DIPK1A: variants seen among roughly 807,000 people sequenced by gnomAD.
DIPK1A encodes family with sequence similarity 69 member A.
DIPK1A carries 27 observed loss-of-function variants against 40.8 expected under a neutral mutation model. The observed-to-expected ratio is 0.66, with a 90% CI of 0.49 to 0.91. The LOEUF is 0.91. Ranked by LOEUF, DIPK1A falls within the 40% of genes least tolerant of loss-of-function variation. DIPK1A has a pLI of 0.00. For synonymous variants in DIPK1A, 166 were observed against 171.3 expected (o/e 0.97, Z 0.24); for missense variants, 412 against 505.7 (o/e 0.81, Z 1.78).
At chr1:92,844,990 G>T (rs1390536903) in intron 4 of DIPK1A, among the ~76,000 whole-genome samples, 60 of 126,850 alleles carry the variant, frequency 4.7e-4, no homozygotes, top group Non-Finnish European at 2.3e-4. Context: ...TTTCGCCCAG[G>T]CTGGAGTGCA....
intron 1 of DIPK1A, among the ~76,000 whole-genome samples, chr1:92,898,956 C>T (rs554074466): frequency 1.8e-4 from 27 of 151,958 alleles, no homozygotes; most frequent in African/African-American, 5.1e-4. Context: ...TTTGTATAGA[C>T]GGGGGTCACC....
intron 1 of DIPK1A, among the ~76,000 whole-genome samples, chr1:92,953,412 A>AT (rs779974445): frequency 4.7e-4 from 72 of 152,216 alleles, no homozygotes; most frequent in Non-Finnish European, 6.8e-4. Context: ...TTCTGGATAT[A>AT]CAAAAAAATT....
chr1:92,961,390 G>A lies in DIPK1A; in HGVS notation c.40C>T (p.Pro14Ser). The A allele has an allele frequency of 1.3e-6, 2 of 1,530,586 alleles. No individual in the cohort carries two copies. Among genetic ancestry groups the A allele is most frequent in the Non-Finnish European group, 1.8e-6 (2 of 1,136,480 alleles). The allele number at this position is 1,530,586 out of a possible 1,614,324, so 94.8% of individuals were successfully genotyped here. ...CGCCGGCCTACCTGGAGGTAATAGG[G>A]TTTCCTTAGCCAGGCCCCCGGACAG... ...SLCPGAWLRK[P>S]YYLQARFSYV... The change falls in exon 1 of 5, where the codon CCC (proline) becomes TCC (serine). Residue 14 changes from proline (P) to serine (S), a missense_variant. Transcript: ENST00000370310.
intron 2 of DIPK1A, among the ~76,000 whole-genome samples, chr1:92,871,862 G>A (rs1163788076): frequency 6.6e-6 from 1 of 151,940 alleles, no homozygotes; most frequent in Admixed American, 6.6e-5. Context: ...CCATTCATCT[G>A]TGGATGGACA....
At chr1:92,837,373 C>T (rs1687172002), downstream of DIPK1A, 3 of 1,173,664 alleles carry the variant, frequency 2.6e-6, no homozygotes, top group Non-Finnish European at 3.9e-6. Context: ...CAAGACGGGA[C>T]TGATGGCAGC....
chr1:92,873,380 C>T (rs531496704), intron 2 of DIPK1A, among the ~76,000 whole-genome samples: 4 of 152,034 alleles, frequency 2.6e-5, no homozygotes, highest in Non-Finnish European at 4.4e-5. Context: ...TTTGGGAGGC[C>T]GAGGCAGGTG....
At chr1:92,903,167 T>A (rs898297795) in intron 1 of DIPK1A, among the ~76,000 whole-genome samples, 3 of 152,170 alleles carry the variant, frequency 2.0e-5, no homozygotes, top group African/African-American at 7.2e-5. Flanking sequence ...CACCTCAGCC[T>A]CACAAGTAGC....
chr1:92,851,000 C>T (rs1687800338), intron 2 of DIPK1A, 45 bp from the exon 3 acceptor site: 2 of 1,209,510 alleles, frequency 1.7e-6, no homozygotes, highest in Non-Finnish European at 2.4e-6. Flanking sequence ...AAAATATTCA[C>T]AAGAAGAAGC....
intron 1 of DIPK1A, among the ~76,000 whole-genome samples, chr1:92,879,449 A>G (rs889998066): frequency 6.6e-6 from 1 of 152,220 alleles, no homozygotes; most frequent in Admixed American, 6.5e-5. Context: ...GAAAAACCCT[A>G]TGAACTGGAC....
chr1:92,834,303 G>T (rs1687032025), intron 4 of DIPK1A, among the ~76,000 whole-genome samples: 1 of 152,206 alleles, frequency 6.6e-6, no homozygotes, highest in Non-Finnish European at 1.5e-5. Context: ...ATGTACAAAG[G>T]TGGCTCCCGC....
chr1:92,876,565 A>C, intron 1 of DIPK1A, 135 bp from the exon 2 acceptor site: 2 of 899,758 alleles, frequency 2.2e-6, no homozygotes, highest in Non-Finnish European at 1.6e-6. Flanking sequence ...TTCTAGAACA[A>C]AGTGCACTTT....
At chr1:92,953,006 A>G (rs991944295) in intron 1 of DIPK1A, among the ~76,000 whole-genome samples, 8 of 152,218 alleles carry the variant, frequency 5.3e-5, no homozygotes, top group African/African-American at 1.9e-4. Context: ...TTGGAAGAAT[A>G]TCTTCAAACA....
At chr1:92,933,990 T>C (rs1271209736) in intron 1 of DIPK1A, 3 of 152,182 alleles carry the variant, frequency 2.0e-5, no homozygotes, top group Admixed American at 2.0e-4. Flanking sequence ...TGGATTAGGA[T>C]AGGCCAACAG....
intron 1 of DIPK1A, among the ~76,000 whole-genome samples, chr1:92,880,155 C>G (rs575130163): frequency 6.6e-6 from 1 of 152,166 alleles, no homozygotes; most frequent in African/African-American, 2.4e-5. Flanking sequence ...TAGCCCCCCA[C>G]AGCAAAGCAT....
At chr1:92,953,732 G>T (rs916738164) in intron 1 of DIPK1A, among the ~76,000 whole-genome samples, 2 of 152,166 alleles carry the variant, frequency 1.3e-5, no homozygotes, top group Non-Finnish European at 2.9e-5. Flanking sequence ...CAAGGGCCAG[G>T]GGCAGGAGGA....
intron 1 of DIPK1A, among the ~76,000 whole-genome samples, chr1:92,960,090 A>G (rs1012741868): frequency 5.3e-5 from 8 of 151,428 alleles, no homozygotes; most frequent in African/African-American, 1.9e-4. Context: ...AAAAGATTAC[A>G]CAGAGGTACC....
At chr1:92,952,200 T>C (rs1490984552) in intron 1 of DIPK1A, among the ~76,000 whole-genome samples, 1 of 152,054 alleles carries the variant, frequency 6.6e-6, no homozygotes, top group African/African-American at 2.4e-5. Context: ...CACACAATTA[T>C]CCAGCCCAAA....
chr1:92,841,893 G>C, downstream of DIPK1A: 2 of 1,534,486 alleles, frequency 1.3e-6, no homozygotes, highest in Non-Finnish European at 1.8e-6. Context: ...GATTTTTTCA[G>C]ATATAGATAA....
intron 1 of DIPK1A, among the ~76,000 whole-genome samples, chr1:92,904,355 A>G (rs1048449927): frequency 1.3e-5 from 2 of 152,194 alleles, no homozygotes; most frequent in Non-Finnish European, 2.9e-5. Flanking sequence ...ATGCTGAAAA[A>G]TAATTACCCA....
Sources: allele counts gnomAD v4.1 joint callset (sites outside exome capture counted in the v4.1 genomes callset), GRCh38; gene constraint gnomAD v4.1.1; transcripts MANE v1.5; gene names NCBI Gene and HGNC (gene_info 2026-07-23, HGNC 2026-07-21).